Variants in TCAIM observed in about 807,000 individuals in gnomAD.
TCAIM encodes T-cell activation inhibitor, mitochondrial.
Under a neutral mutation model 58.6 loss-of-function variants are expected in TCAIM, and 36 were observed. The ratio of observed to expected loss-of-function variants is 0.61; its 90% CI spans 0.47 to 0.81. The LOEUF (loss-of-function observed/expected upper bound fraction) is 0.81. TCAIM is among the 30% of genes least tolerant of loss of function. TCAIM has a pLI of 0.00. For missense variants in TCAIM, 466 were observed against 579.6 expected, an observed-to-expected ratio of 0.80 and a Z score of 2.01; for synonymous variants, 172 against 193.6, an observed-to-expected ratio of 0.89 and a Z score of 0.93.
At chr3:44,398,411 C>A (rs1701970453) in intron 8 of TCAIM, among the ~76,000 whole-genome samples, 1 of 147,034 alleles carries the variant, frequency 6.8e-6, no homozygotes, top group Non-Finnish European at 1.5e-5. Context: ...GCCTGGGCAA[C>A]ACAGCGAGAC....
chr3:44,390,914 A>T (rs998498614), intron 5 of TCAIM, among the ~76,000 whole-genome samples: 9 of 152,018 alleles, frequency 5.9e-5, no homozygotes, highest in African/African-American at 2.2e-4. Context: ...ATCTGAAATG[A>T]TCCCCTCAGC....
At chr3:44,387,486 GAA>G (rs755867424) in intron 5 of TCAIM, among the ~76,000 whole-genome samples, 1 of 152,330 alleles carries the variant, frequency 6.6e-6, no homozygotes. Flanking sequence ...AAGCTTCCAG[GAA>G]CCACCACGTT....
chr3:44,347,073 AGTT>A (rs1324738786), intron 1 of TCAIM, among the ~76,000 whole-genome samples: 1 of 152,096 alleles, frequency 6.6e-6, no homozygotes, highest in African/African-American at 2.4e-5. Context: ...GAAGAAAAGG[AGTT>A]GTTGTTTTGT....
At chr3:44,340,926 A>G (rs1559555545) in intron 1 of TCAIM, 1 of 152,160 alleles carries the variant, frequency 6.6e-6, no homozygotes, top group Non-Finnish European at 1.5e-5. Context: ...GTCAGAGCCC[A>G]TTCTTGAAGA....
At chr3:44,397,635 G>C (rs1472986611) in intron 8 of TCAIM, among the ~76,000 whole-genome samples, 2 of 151,902 alleles carry the variant, frequency 1.3e-5, no homozygotes. Context: ...CTTTCTCTTG[G>C]GTAAATACCT....
At chr3:44,361,634 ATTT>A in intron 4 of TCAIM, 116 bp downstream of exon 4, 2 of 1,011,124 alleles carry the variant, frequency 2.0e-6, no homozygotes, top group Admixed American at 7.1e-5. Flanking sequence ...AAATAATAGC[ATTT>A]AATTGATTGT....
chr3:44,391,819 G>A (rs187819158), intron 5 of TCAIM, among the ~76,000 whole-genome samples: 1 of 149,878 alleles, frequency 6.7e-6, no homozygotes, highest in Admixed American at 6.6e-5. Context: ...GGAGAAACTG[G>A]AGTCCACCCA....
intron 4 of TCAIM, 114 bp downstream of exon 4, chr3:44,361,632 G>A: frequency 2.0e-6 from 2 of 1,025,598 alleles, no homozygotes; most frequent in South Asian, 2.7e-5. Flanking sequence ...AAAAATAATA[G>A]CATTTAATTG....
At chr3:44,352,379 G>A (rs1460020765) in intron 1 of TCAIM, among the ~76,000 whole-genome samples, 1 of 152,092 alleles carries the variant, frequency 6.6e-6, no homozygotes, top group Non-Finnish European at 1.5e-5. Flanking sequence ...TAGTATATTC[G>A]AATATCTTGC....
chr3:44,367,125 A>G (rs1180567964), intron 4 of TCAIM, among the ~76,000 whole-genome samples: 1 of 152,154 alleles, frequency 6.6e-6, no homozygotes, highest in African/African-American at 2.4e-5. Context: ...AAGAGACCAG[A>G]TTTATCGACA....
chr3:44,356,246 G>C (rs1288134900), intron 2 of TCAIM, among the ~76,000 whole-genome samples: 1 of 152,202 alleles, frequency 6.6e-6, no homozygotes, highest in East Asian at 1.9e-4. Flanking sequence ...CTTAGGTTGG[G>C]CCAGGCACAG....
intron 1 of TCAIM, among the ~76,000 whole-genome samples, chr3:44,348,156 G>C (rs562988698): frequency 1.3e-5 from 2 of 152,320 alleles, no homozygotes; most frequent in East Asian, 3.9e-4. Context: ...CCCTTGAAAA[G>C]AAGGTAATGT....
intron 1 of TCAIM, among the ~76,000 whole-genome samples, chr3:44,345,696 A>G (rs1196412691): frequency 6.6e-6 from 1 of 152,136 alleles, no homozygotes; most frequent in African/African-American, 2.4e-5. Context: ...GTGGCATAAG[A>G]ACGGGAACAA....
chr3:44,352,928 T>TTTA (rs1296536012), intron 1 of TCAIM, among the ~76,000 whole-genome samples: 30 of 150,958 alleles, frequency 2.0e-4, no homozygotes, highest in Non-Finnish European at 5.9e-5. Context: ...GACTTCTTTT[T>TTTA]TTTTTTTTTT....
Position 44,364,137 on chromosome 3 carries a change from C to T in TCAIM, c.319+2619C>T, listed in dbSNP as rs188303582. ...AGAGACGGGGTTTCACCATGTTGGC[C>T]ATGATGGTCTCGATCTCTTAACCCC... is the stretch of plus-strand genomic sequence containing the variant. On this transcript the variant is annotated intron_variant, in intron 4 of 10. Coordinates refer to ENST00000342649, the MANE Select transcript of TCAIM (RefSeq NM_173826.4). Among the ~76,000 whole-genome samples, 23 of 151,342 alleles carry T rather than the reference C, an allele frequency of 1.5e-4. No homozygotes were observed. The East Asian group carries it at 4.2e-3, about 27-fold the overall frequency.
At chr3:44,350,824 G>A (rs957769259) in intron 1 of TCAIM, among the ~76,000 whole-genome samples, 2 of 152,112 alleles carry the variant, frequency 1.3e-5, no homozygotes, top group South Asian at 2.1e-4. Flanking sequence ...AGAGATAGCT[G>A]TTGTTACAGA....
At position 44,401,354 on chromosome 3, in the gene TCAIM, T is replaced by C; in HGVS notation, c.1250+20T>C. On this transcript the variant is annotated intron_variant, in intron 10 of 10. Transcript: ENST00000342649. ...GGAAGAGTAAGTACTGCCAGTCTTC[T>C]GTAAAGTCAGATCATTCAGTCTAAC... is the stretch of plus-strand genomic sequence containing the variant. 7.4e-6 allele frequency: 12 copies of C among 1,612,826 alleles called. No homozygotes were observed. Among genetic ancestry groups the C allele is most frequent in the Non-Finnish European group, 1.0e-5 (12 of 1,179,550 alleles).
chr3:44,340,980 ATTC>A (rs1317888708), intron 1 of TCAIM: 5 of 152,180 alleles, frequency 3.3e-5, no homozygotes, highest in Admixed American at 3.3e-4. Context: ...TCGGTTTTTC[ATTC>A]TTATTCTTAA....
chr3:44,365,248 T>C (rs1362428968), intron 4 of TCAIM, among the ~76,000 whole-genome samples: 1 of 152,200 alleles, frequency 6.6e-6, no homozygotes, highest in African/African-American at 2.4e-5. Flanking sequence ...GTTGGCATGT[T>C]CTGGATCTCA....
Sources: gnomAD v4.1 joint callset for allele counts (sites outside exome capture counted in the v4.1 genomes callset) on GRCh38, gnomAD v4.1.1 for gene constraint, MANE v1.5 for transcripts, NCBI Gene and HGNC (gene_info 2026-07-23, HGNC 2026-07-21) for gene names.